The following CIMIP5 variants were observed in gnomAD, a reference collection of about 807,000 sequenced individuals.
The protein encoded by CIMIP5 is uncharacterized protein C2orf50.
chr2:11,135,306 G>C, the CIMIP5 span, among the ~76,000 whole-genome samples: 1 of 152,148 alleles, frequency 6.6e-6, no homozygotes, highest in African/African-American at 2.4e-5. Context: ...GCACCATTTC[G>C]CATTCCCATC....
chr2:11,148,118 A>AT, the CIMIP5 span, among the ~76,000 whole-genome samples: 22,075 of 143,010 alleles, frequency 0.15, 4,205 homozygotes, highest in African/African-American at 0.45. Context: ...CTTGCTTCAC[A>AT]TTTTTTTTTT....
chr2:11,148,839 A>G, the CIMIP5 span, among the ~76,000 whole-genome samples: 1 of 144,560 alleles, frequency 6.9e-6, no homozygotes, highest in South Asian at 2.1e-4. Flanking sequence ...GGTTCAAGCG[A>G]TTCTCCTGCC....
chr2:11,151,273 G>A, the CIMIP5 span, among the ~76,000 whole-genome samples: 37,010 of 152,210 alleles, frequency 0.24, 4,861 homozygotes, highest in East Asian at 0.48. Context: ...CCTTGGGGAC[G>A]TGTCGTCAGG....
chr2:11,150,427 G>A, the CIMIP5 span, among the ~76,000 whole-genome samples: 1 of 151,452 alleles, frequency 6.6e-6, no homozygotes, highest in South Asian at 2.1e-4. Context: ...CCGCTTCCCA[G>A]GTTCAAGCAA....
the CIMIP5 span, among the ~76,000 whole-genome samples, chr2:11,147,366 C>T: frequency 0.22 from 33,653 of 152,140 alleles, 4,071 homozygotes; most frequent in East Asian, 0.45. Context: ...AAGGGCATCT[C>T]CAGCTCCAGG....
chr2:11,142,202 G>A, the CIMIP5 span, among the ~76,000 whole-genome samples: 1 of 147,030 alleles, frequency 6.8e-6, no homozygotes, highest in African/African-American at 2.5e-5. Context: ...GGAGGCAGAG[G>A]TTGCAGTGAG....
the CIMIP5 span, among the ~76,000 whole-genome samples, chr2:11,142,216 A>G: frequency 1.3e-5 from 2 of 150,038 alleles, no homozygotes; most frequent in Non-Finnish European, 3.0e-5. Context: ...CAGTGAGCAG[A>G]GATCACGCCA....
chr2:11,144,146 G>A, the CIMIP5 span: 9 of 1,518,568 alleles, frequency 5.9e-6, no homozygotes, highest in African/African-American at 1.1e-4. Flanking sequence ...TCCCCAGGTG[G>A]GTGTGGGTGG....
At chr2:11,143,203 G>T in the CIMIP5 span, among the ~76,000 whole-genome samples, 1 of 152,084 alleles carries the variant, frequency 6.6e-6, no homozygotes, top group African/African-American at 2.4e-5. Context: ...TCACACCATG[G>T]AGTACAGTTC....
At chr2:11,152,495 TG>T in the CIMIP5 span, among the ~76,000 whole-genome samples, 13 of 152,156 alleles carry the variant, frequency 8.5e-5, no homozygotes, top group African/African-American at 3.1e-4. Context: ...TTATAATTTT[TG>T]CAAAGGTGGT....
At chr2:11,146,590 G>A in the CIMIP5 span, 1 of 152,254 alleles carries the variant, frequency 6.6e-6, no homozygotes, top group African/African-American at 2.4e-5. Flanking sequence ...TGTGTTTCAT[G>A]CCATACCCTG....
the CIMIP5 span, chr2:11,144,043 C>T: frequency 1.1e-5 from 17 of 1,605,152 alleles, no homozygotes; most frequent in Middle Eastern, 3.3e-4. Flanking sequence ...GACTCTCATC[C>T]GCATGGACTT....
the CIMIP5 span, chr2:11,144,147 G>T: frequency 2.6e-6 from 4 of 1,518,924 alleles, no homozygotes; most frequent in Admixed American, 4.1e-5. Flanking sequence ...CCCCAGGTGG[G>T]TGTGGGTGGG....
At chr2:11,139,511 T>C in the CIMIP5 span, among the ~76,000 whole-genome samples, 2,307 of 152,316 alleles carry the variant, frequency 0.015, 58 homozygotes, top group African/African-American at 0.053. Context: ...TCCCTCCCTT[T>C]TCCTACCTCT....
chr2:11,139,132 G>T, the CIMIP5 span, among the ~76,000 whole-genome samples: 210 of 152,170 alleles, frequency 1.4e-3, 5 homozygotes, highest in South Asian at 1.7e-3. Context: ...TGGCCAGGCT[G>T]GTCTCGAACT....
chr2:11,137,643 A>G, the CIMIP5 span, among the ~76,000 whole-genome samples: 1 of 152,216 alleles, frequency 6.6e-6, no homozygotes, highest in African/African-American at 2.4e-5. Context: ...AAAGAAATGC[A>G]TGAGTCCACA....
the CIMIP5 span, among the ~76,000 whole-genome samples, chr2:11,140,153 C>T: frequency 8.0e-5 from 12 of 149,936 alleles, no homozygotes; most frequent in African/African-American, 2.5e-4. Flanking sequence ...TTTGGGAGGC[C>T]GAGGCGGGCG....
chr2:11,144,986 T>TAAAA, the CIMIP5 span: 1 of 152,048 alleles, frequency 6.6e-6, no homozygotes. Context: ...GGCTAATTTT[T>TAAAA]TTTTTATTTT....
At chr2:11,143,741 C>T in the CIMIP5 span, among the ~76,000 whole-genome samples, 1 of 152,186 alleles carries the variant, frequency 6.6e-6, no homozygotes, top group South Asian at 2.1e-4. Context: ...AGAGGAGGGA[C>T]AAGCTTGGCA....
Sources: gnomAD v4.1 joint callset for allele counts (sites outside exome capture counted in the v4.1 genomes callset) on GRCh38, gnomAD v4.1.1 for gene constraint, MANE v1.5 for transcripts, NCBI Gene and HGNC (gene_info 2026-07-23, HGNC 2026-07-21) for gene names.